Variants in RUNDC3B observed in about 807,000 individuals in gnomAD.
RUNDC3B encodes the protein RUN domain containing 3B.
RUNDC3B carries 33 observed loss-of-function variants against 58.4 expected under a neutral mutation model. The ratio of observed to expected loss-of-function variants is 0.56; its 90% confidence interval spans 0.43 to 0.75. The LOEUF (loss-of-function observed/expected upper bound fraction) is 0.75, where lower values mean the gene tolerates loss of function less well. RUNDC3B is among the 30% of genes least tolerant of loss of function. The pLI, the probability that RUNDC3B is intolerant of heterozygous loss-of-function variation, is 0.00. For synonymous variants in RUNDC3B, 193 were observed against 195.2 expected (o/e 0.99, Z 0.10); for missense variants, 501 against 535.7 (o/e 0.94, Z 0.64).
intron 4 of RUNDC3B, among the ~76,000 whole-genome samples, chr7:87,726,872 G>T (rs898001936): frequency 1.3e-5 from 2 of 152,246 alleles, no homozygotes; most frequent in African/African-American, 4.8e-5. Context: ...GTTCACTCAT[G>T]ATTTGGCTCT....
At chr7:87,682,923 A>G (rs577803448) in intron 2 of RUNDC3B, among the ~76,000 whole-genome samples, 1 of 152,246 alleles carries the variant, frequency 6.6e-6, no homozygotes, top group Admixed American at 6.5e-5. Flanking sequence ...TTCTTCCAAT[A>G]TAAAGCTGTT....
chr7:87,760,896 A>C (rs1053628951), intron 6 of RUNDC3B, among the ~76,000 whole-genome samples: 1 of 152,002 alleles, frequency 6.6e-6, no homozygotes. Context: ...CATAGGTGTA[A>C]ATTTTTCATA....
intron 2 of RUNDC3B, among the ~76,000 whole-genome samples, chr7:87,662,595 C>G (rs1471442037): frequency 6.6e-6 from 1 of 152,056 alleles, no homozygotes. Flanking sequence ...ATTCTCTATT[C>G]TGTTCCATTG....
chr7:87,687,144 T>G (rs1317035846), intron 2 of RUNDC3B, among the ~76,000 whole-genome samples: 2 of 152,136 alleles, frequency 1.3e-5, no homozygotes, highest in African/African-American at 4.8e-5. Context: ...GATTTTATAT[T>G]GATTCTTAAT....
intron 6 of RUNDC3B, among the ~76,000 whole-genome samples, chr7:87,750,723 G>A (rs995255358): frequency 8.6e-5 from 13 of 150,700 alleles, no homozygotes; most frequent in African/African-American, 1.2e-4. Flanking sequence ...TTTTGATGGG[G>A]TTGTTTGTTT....
At chr7:87,708,804 G>C (rs1253651578) in intron 3 of RUNDC3B, among the ~76,000 whole-genome samples, 1 of 152,050 alleles carries the variant, frequency 6.6e-6, no homozygotes, top group Non-Finnish European at 1.5e-5. Context: ...ATAAAGTAGG[G>C]ATAGTATTGT....
chr7:87,632,112 C>CAA (rs201197232), intron 1 of RUNDC3B, among the ~76,000 whole-genome samples: 2 of 134,994 alleles, frequency 1.5e-5, no homozygotes, highest in Admixed American at 7.4e-5. Context: ...TTTACAAAAC[C>CAA]AAAAAAAAAA....
chr7:87,642,740 A>G (rs1822580240), intron 1 of RUNDC3B, among the ~76,000 whole-genome samples: 1 of 151,948 alleles, frequency 6.6e-6, no homozygotes, highest in Non-Finnish European at 1.5e-5. Flanking sequence ...TTCTAACGTT[A>G]TTTTTTATGT....
chr7:87,727,147 G>A (rs1367357468), intron 4 of RUNDC3B, among the ~76,000 whole-genome samples: 1 of 152,106 alleles, frequency 6.6e-6, no homozygotes, highest in Non-Finnish European at 1.5e-5. Context: ...GGTGAGAGAG[G>A]GCATCCCTGT....
chr7:87,675,653 C>CAAAAAAAAAAAAAAAAAAAAAAA (rs200136132), intron 2 of RUNDC3B, among the ~76,000 whole-genome samples: 1 of 65,852 alleles, frequency 1.5e-5, no homozygotes, highest in Non-Finnish European at 3.3e-5. Context: ...TATTCACATG[C>CAAAAAAAAAAAAAAAAAAAAAAA]AAAAAAAAAA....
intron 6 of RUNDC3B, among the ~76,000 whole-genome samples, chr7:87,758,780 A>G (rs1333623060): frequency 6.6e-6 from 1 of 152,222 alleles, no homozygotes. Context: ...ACAATGAGAT[A>G]TCATCTCACT....
At position 87,727,286 on chromosome 7, in the gene RUNDC3B, G is replaced by C. The variant is rs145406649; in HGVS notation, c.459-12505G>C. Among the ~76,000 whole-genome samples, 370 of 152,124 alleles carry C rather than the reference G, an allele frequency of 2.4e-3. 1 individual carries two copies. The highest frequency in any genetic ancestry group is 8.3e-3 in the African/African-American group (344 of 41,528). ...CATCAATACCTTCCTGGGATGCAAG[G>C]CTGGTTCAACATATGCAAATCAATA... On this transcript the variant is annotated intron_variant, in intron 4 of 10. Transcript: ENST00000394654.
At chr7:87,719,414 C>G (rs1830737072) in intron 4 of RUNDC3B, among the ~76,000 whole-genome samples, 1 of 150,376 alleles carries the variant, frequency 6.6e-6, no homozygotes. Flanking sequence ...AATAAACATA[C>G]AAAATAAATA....
intron 2 of RUNDC3B, among the ~76,000 whole-genome samples, chr7:87,683,928 C>T (rs1404189187): frequency 6.6e-6 from 1 of 152,140 alleles, no homozygotes; most frequent in Non-Finnish European, 1.5e-5. Context: ...CTCATGGACA[C>T]AGACATCAGA....
intron 6 of RUNDC3B, among the ~76,000 whole-genome samples, chr7:87,748,126 T>C (rs1454385976): frequency 6.6e-6 from 1 of 152,200 alleles, no homozygotes; most frequent in East Asian, 1.9e-4. Context: ...AATGGCCTTC[T>C]TGGGCACCCA....
intron 10 of RUNDC3B, among the ~76,000 whole-genome samples, chr7:87,817,644 C>T (rs1837135136): frequency 6.6e-6 from 1 of 152,164 alleles, no homozygotes; most frequent in Admixed American, 6.5e-5. Context: ...TGTCATCTTT[C>T]TAAAGAAGCT....
At chr7:87,796,718 A>G (rs1462188817) in intron 8 of RUNDC3B, among the ~76,000 whole-genome samples, 2 of 152,224 alleles carry the variant, frequency 1.3e-5, no homozygotes, top group East Asian at 3.8e-4. Context: ...CCCTTCAAAA[A>G]TAAGAGAGAC....
At chr7:87,640,286 A>G (rs1329189611) in intron 1 of RUNDC3B, among the ~76,000 whole-genome samples, 2 of 151,550 alleles carry the variant, frequency 1.3e-5, no homozygotes, top group Admixed American at 6.6e-5. Flanking sequence ...TTATCCACAT[A>G]TTTACCCTTT....
At position 87,726,357 on chromosome 7, in the gene RUNDC3B, C is replaced by T. The variant is rs185548566; in HGVS notation, c.459-13434C>T. 5.0e-3 allele frequency among the ~76,000 whole-genome samples: 756 copies of T among 152,248 alleles called. 7 individuals carry two copies. Among genetic ancestry groups the T allele is most frequent in the African/African-American group, 0.017 (724 of 41,540 alleles). ...CATTTATTAAATAGGGAATCCTTTC[C>T]CCATTGCTGGTTTTTGTCAGGTTCG... On this transcript the variant is annotated intron_variant, in intron 4 of 10. Transcript: ENST00000394654.
Sources: gnomAD v4.1 joint callset for allele counts (sites outside exome capture counted in the v4.1 genomes callset) on GRCh38, gnomAD v4.1.1 for gene constraint, MANE v1.5 for transcripts, NCBI Gene and HGNC (gene_info 2026-07-23, HGNC 2026-07-21) for gene names.